Variants in SEM1 observed in about 807,000 individuals in gnomAD.
The protein encoded by SEM1 is SEM1 26S proteasome subunit.
SEM1 carries 3 observed loss-of-function variants against 12.7 expected under a neutral mutation model. The ratio of observed to expected loss-of-function variants is 0.24; its 90% CI spans 0.11 to 0.61. The LOEUF (loss-of-function observed/expected upper bound fraction) is 0.61, where lower values mean the gene tolerates loss of function less well. Among genes scored for constraint, SEM1 ranks in the 20% least tolerant of loss-of-function variants. SEM1 has a pLI of 0.88. For missense variants in SEM1, 59 were observed against 81.3 expected, an observed-to-expected ratio of 0.73 and a Z score of 1.06; for synonymous variants, 30 against 27.8, an observed-to-expected ratio of 1.08 and a Z score of -0.25.
Position 96,640,336 on chromosome 7 carries a change from G to A in SEM1, c.171-17693C>T, listed in dbSNP as rs777867253. Among the ~76,000 whole-genome samples, 1 of 151,906 alleles carries A rather than the reference G, an allele frequency of 6.6e-6. No individual in the cohort carries two copies. Among genetic ancestry groups the A allele is most frequent in the Non-Finnish European group, 1.5e-5 (1 of 67,910 alleles). The stretch of plus-strand genomic sequence containing the variant: ...TTGGAAACAGCTAAGACATCCTTCC[G>A]TAGATGAATGAAAAATAAACTGTGG... On this transcript the variant is annotated intron_variant, in intron 2 of 2. Transcript: ENST00000417009. This position sits in a 1 kb window ranked among gnomAD's most constrained non-coding sequence, Gnocchi z 4.0.
At chr7:96,673,737 A>C in exon 3 of SEM1, 2 of 765,068 alleles carry the variant, frequency 2.6e-6, no homozygotes, top group East Asian at 4.9e-5. Flanking sequence ...TGGGGCCATG[A>C]ACACATACAG....
At chr7:96,625,144 A>G (rs1227821946) in intron 2 of SEM1, among the ~76,000 whole-genome samples, 1 of 152,188 alleles carries the variant, frequency 6.6e-6, no homozygotes, top group Non-Finnish European at 1.5e-5. Context: ...CATTGTTCCA[A>G]CAGGGAGCTG....
At chr7:96,606,725 C>T (rs1807391789) in intron 2 of SEM1, among the ~76,000 whole-genome samples, 1 of 152,220 alleles carries the variant, frequency 6.6e-6, no homozygotes, top group Non-Finnish European at 1.5e-5. Flanking sequence ...CATTCAACAA[C>T]TCCTTCAGGT....
upstream of SEM1, among the ~76,000 whole-genome samples, chr7:96,497,722 G>A (rs1455321861): frequency 6.6e-6 from 1 of 152,166 alleles, no homozygotes; most frequent in East Asian, 1.9e-4. Context: ...ACATTGGACA[G>A]TAGAGAGCAC....
intron 1 of SEM1, among the ~76,000 whole-genome samples, chr7:96,700,226 G>A (rs1432523338): frequency 6.6e-6 from 1 of 152,088 alleles, no homozygotes; most frequent in African/African-American, 2.4e-5. Context: ...TCACTGGAAA[G>A]GCAATTTGTG....
intron 2 of SEM1, among the ~76,000 whole-genome samples, chr7:96,525,092 C>T (rs1804408124): frequency 6.6e-6 from 1 of 152,108 alleles, no homozygotes; most frequent in Non-Finnish European, 1.5e-5. Context: ...AATGTCTTGA[C>T]CCTGGCCCTT....
At chr7:96,484,706 C>A in intron 3 of SEM1, 1 of 492,064 alleles carries the variant, frequency 2.0e-6, no homozygotes, top group South Asian at 1.9e-5. Context: ...AAAAGCGCCT[C>A]CCAAATCCTA....
At chr7:96,614,782 C>T (rs1807655499) in intron 2 of SEM1, among the ~76,000 whole-genome samples, 2 of 152,238 alleles carry the variant, frequency 1.3e-5, no homozygotes, top group Admixed American at 1.3e-4. Flanking sequence ...TATTCCATTT[C>T]TGGTCCACAG....
chr7:96,543,750 A>C (rs1312428036), intron 2 of SEM1, among the ~76,000 whole-genome samples: 3 of 152,034 alleles, frequency 2.0e-5, no homozygotes, highest in Non-Finnish European at 4.4e-5. Context: ...TTGACTACCA[A>C]ATACATGCAG....
chr7:96,536,589 A>G (rs1376365517), intron 2 of SEM1, among the ~76,000 whole-genome samples: 1 of 151,704 alleles, frequency 6.6e-6, no homozygotes, highest in African/African-American at 2.4e-5. Context: ...ATGTACTTTG[A>G]TGTTCTTTTG....
At chr7:96,565,253 A>T (rs541009432) in intron 2 of SEM1, among the ~76,000 whole-genome samples, 1 of 151,976 alleles carries the variant, frequency 6.6e-6, no homozygotes. Context: ...AGTCCCCCAA[A>T]TAGGCTAATT....
At chr7:96,485,684 A>G (rs534648857) in intron 2 of SEM1, among the ~76,000 whole-genome samples, 2 of 151,854 alleles carry the variant, frequency 1.3e-5, no homozygotes, top group East Asian at 3.9e-4. Flanking sequence ...CTGGGACTAC[A>G]GGCGCATGCC....
intron 2 of SEM1, among the ~76,000 whole-genome samples, chr7:96,588,385 C>G (rs879358554): frequency 0.31 from 24,547 of 80,336 alleles, 2,321 homozygotes; most frequent in Non-Finnish European, 0.41. Context: ...CACACACACA[C>G]ACACACACAC....
chr7:96,547,693 C>T (rs1270529122), intron 2 of SEM1, among the ~76,000 whole-genome samples: 1 of 152,078 alleles, frequency 6.6e-6, no homozygotes, highest in Non-Finnish European at 1.5e-5. Context: ...TACAATGGCA[C>T]TTTCCCCTTT....
intron 2 of SEM1, among the ~76,000 whole-genome samples, chr7:96,542,294 T>C (rs1322851060): frequency 6.6e-6 from 1 of 151,932 alleles, no homozygotes; most frequent in Admixed American, 6.6e-5. Flanking sequence ...TGTTTTGTAG[T>C]TCTCCTTGTA....
chr7:96,659,615 T>G (rs1788914329), intron 2 of SEM1, among the ~76,000 whole-genome samples: 2 of 152,118 alleles, frequency 1.3e-5, no homozygotes, highest in Admixed American at 1.3e-4. Flanking sequence ...AAACCTGATG[T>G]CTTAGAAGAG....
chr7:96,638,019 A>G (rs958883209), intron 2 of SEM1, among the ~76,000 whole-genome samples: 2 of 152,030 alleles, frequency 1.3e-5, no homozygotes, highest in African/African-American at 4.8e-5. Context: ...ATGAACAACA[A>G]ATTAGCAGAT....
At chr7:96,588,382 ACACACACACACACACGAG>A (rs1228786098) in intron 2 of SEM1, among the ~76,000 whole-genome samples, 1 of 82,098 alleles carries the variant, frequency 1.2e-5, no homozygotes, top group Non-Finnish European at 3.0e-5. Context: ...ACACACACAC[ACACACACACACACACGAG>A]AGAGAGAGAG....
At chr7:96,674,852 C>T (rs1584854313) in intron 2 of SEM1, among the ~76,000 whole-genome samples, 1 of 150,890 alleles carries the variant, frequency 6.6e-6, no homozygotes, top group Non-Finnish European at 1.5e-5. Context: ...AATCAGCAGA[C>T]TCTTGACCAA....
Sources: allele counts gnomAD v4.1 joint callset (sites outside exome capture counted in the v4.1 genomes callset), GRCh38; gene constraint gnomAD v4.1.1; non-coding constraint Gnocchi (gnomAD v3.1); transcripts MANE v1.5; gene names NCBI Gene and HGNC (gene_info 2026-07-23, HGNC 2026-07-21).